Variants in CACNB2 observed in about 807,000 individuals in gnomAD.
CACNB2 encodes voltage-dependent L-type calcium channel subunit beta-2.
In CACNB2, 42 loss-of-function variants were observed where a neutral mutation model predicts 73.3. That is an observed-to-expected ratio of 0.57 (90% CI 0.45 to 0.74). The LOEUF (loss-of-function observed/expected upper bound fraction) is 0.74, where lower values mean the gene tolerates loss of function less well. Ranked by LOEUF, CACNB2 falls within the 30% of genes least tolerant of loss-of-function variation. CACNB2 has a pLI of 0.00. For synonymous variants in CACNB2, 348 were observed against 310.3 expected, an observed-to-expected ratio of 1.12 and a Z score of -1.28; for missense variants, 940 against 853.0, an observed-to-expected ratio of 1.10 and a Z score of -1.27.
At chr10:18,368,877 C>T (rs1031117541) in intron 2 of CACNB2, among the ~76,000 whole-genome samples, 1 of 151,870 alleles carries the variant, frequency 6.6e-6, no homozygotes, top group East Asian at 1.9e-4. Context: ...TAAACAGTTA[C>T]AGCATGAGTC....
At chr10:18,504,299 T>A (rs1403545893) in intron 5 of CACNB2, among the ~76,000 whole-genome samples, 1 of 152,212 alleles carries the variant, frequency 6.6e-6, no homozygotes, top group Non-Finnish European at 1.5e-5. Flanking sequence ...GATGGTAGCC[T>A]GACCTCCACG....
chr10:18,357,720 A>G (rs951583915), intron 2 of CACNB2, among the ~76,000 whole-genome samples: 5 of 152,338 alleles, frequency 3.3e-5, no homozygotes, highest in Middle Eastern at 3.4e-3. Flanking sequence ...CCAGCAGGAT[A>G]GTCAAAGATC....
intron 3 of CACNB2, among the ~76,000 whole-genome samples, chr10:18,446,853 C>G (rs1275813458): frequency 6.6e-6 from 1 of 151,854 alleles, no homozygotes; most frequent in Admixed American, 6.6e-5. Context: ...TCGCTGGAGC[C>G]CAGAAGTTTG....
intron 2 of CACNB2, among the ~76,000 whole-genome samples, chr10:18,237,985 ACT>A (rs1327410338): frequency 1.3e-5 from 2 of 151,780 alleles, no homozygotes; most frequent in African/African-American, 4.8e-5. Context: ...TCTGCTCCCC[ACT>A]CTCTCTCTGT....
intron 2 of CACNB2, among the ~76,000 whole-genome samples, chr10:18,383,358 G>A (rs1051748751): frequency 6.6e-6 from 1 of 152,042 alleles, no homozygotes; most frequent in African/African-American, 2.4e-5. Context: ...GAATATAGAG[G>A]GGCTAGCAGA....
chr10:18,356,629 T>C (rs2041918234), intron 2 of CACNB2, among the ~76,000 whole-genome samples: 1 of 151,556 alleles, frequency 6.6e-6, no homozygotes, highest in African/African-American at 2.4e-5. Context: ...CTCGTCTCTT[T>C]TTCTCCTTCA....
At chr10:18,498,046 T>G (rs1189836491) in intron 3 of CACNB2, among the ~76,000 whole-genome samples, 1 of 152,164 alleles carries the variant, frequency 6.6e-6, no homozygotes, top group Non-Finnish European at 1.5e-5. Context: ...TTTCCTGATT[T>G]ACAGTTGCTA....
Position 18,187,394 on chromosome 10 carries a change from T to A in CACNB2, c.213+36419T>A, listed in dbSNP as rs180845622. ...ACATTTTCAGAATGTGCACTATGCA[T>A]TAGATTTTGCTAAGATAAGCTAAAA... is the stretch of plus-strand genomic sequence containing the variant. On this transcript the variant is annotated intron_variant, in intron 2 of 13. Transcript: ENST00000324631. Among the ~76,000 whole-genome samples, 23 of 152,332 alleles carry A rather than the reference T, an allele frequency of 1.5e-4. No individual in the cohort carries two copies. The East Asian group carries it at 4.4e-3, about 29-fold the overall frequency.
At chr10:18,289,264 T>C (rs2038944131) in intron 2 of CACNB2, among the ~76,000 whole-genome samples, 1 of 150,466 alleles carries the variant, frequency 6.6e-6, no homozygotes, top group African/African-American at 2.5e-5. Flanking sequence ...CTTACGAAGT[T>C]GTCTTCATTT....
Position 18,143,964 on chromosome 10 carries a change from C to G in CACNB2, c.120+3108C>G, listed in dbSNP as rs115163885. Among the ~76,000 whole-genome samples, 614 of 152,298 alleles carry G rather than the reference C, an allele frequency of 4.0e-3. 3 individuals carry two copies. The highest frequency in any genetic ancestry group is 0.014 in the African/African-American group (590 of 41,564). On this transcript the variant is annotated intron_variant, in intron 1 of 13. Coordinates refer to ENST00000324631, the MANE Select transcript of CACNB2 (RefSeq NM_201596.3). ...TCCTTTTCTGTATCAATCATTCTGT[C>G]TAGAGAGAGGGAGCATCCTGATACA...
intron 3 of CACNB2, 43 bp from the exon 4 acceptor site, chr10:18,498,312 T>C (rs372284075): frequency 8.7e-6 from 14 of 1,612,554 alleles, no homozygotes; most frequent in Non-Finnish European, 1.1e-5. Flanking sequence ...GGGACAGTGT[T>C]GTTTTGCTCT....
At chr10:18,505,760 C>T (rs1215561682) in intron 5 of CACNB2, among the ~76,000 whole-genome samples, 1 of 152,192 alleles carries the variant, frequency 6.6e-6, no homozygotes, top group Non-Finnish European at 1.5e-5. Context: ...CTAATATTAA[C>T]TCCAATGTTT....
chr10:18,536,255 T>TTTTTC, intron 12 of CACNB2, 59 bp downstream of exon 12: 1 of 648,150 alleles, frequency 1.5e-6, no homozygotes, highest in African/African-American at 3.1e-5. Context: ...TTTTTTTTTT[T>TTTTTC]TTTTTTTTTT....
At chr10:18,345,636 T>C (rs1469350290) in intron 2 of CACNB2, among the ~76,000 whole-genome samples, 9 of 152,204 alleles carry the variant, frequency 5.9e-5, no homozygotes, top group Non-Finnish European at 1.0e-4. Context: ...GAATTAACTG[T>C]GGAATAGTTT....
intron 7 of CACNB2, among the ~76,000 whole-genome samples, chr10:18,516,393 C>G (rs1019660132): frequency 6.6e-6 from 1 of 152,166 alleles, no homozygotes; most frequent in Non-Finnish European, 1.5e-5. Flanking sequence ...TGACCCTTTG[C>G]TAGTTGGCAG....
intron 3 of CACNB2, among the ~76,000 whole-genome samples, chr10:18,497,442 C>T (rs1785725097): frequency 1.3e-5 from 2 of 151,804 alleles, no homozygotes; most frequent in African/African-American, 4.8e-5. Flanking sequence ...TTTTTTGAGA[C>T]AGGGACTGAC....
chr10:18,410,321 G>A (rs1176420752), intron 3 of CACNB2, among the ~76,000 whole-genome samples: 1 of 152,122 alleles, frequency 6.6e-6, no homozygotes, highest in African/African-American at 2.4e-5. Context: ...GGAAGCATTA[G>A]TTCAGTTGAC....
At chr10:18,167,343 A>T (rs983264224) in intron 2 of CACNB2, among the ~76,000 whole-genome samples, 2 of 152,142 alleles carry the variant, frequency 1.3e-5, no homozygotes, top group Admixed American at 6.6e-5. Context: ...CAAATTACTC[A>T]TTGGGTACTG....
At chr10:18,368,127 C>G (rs1346390159) in intron 2 of CACNB2, among the ~76,000 whole-genome samples, 1 of 152,158 alleles carries the variant, frequency 6.6e-6, no homozygotes, top group African/African-American at 2.4e-5. Context: ...TGAAATCGCA[C>G]AGCTCCTAAT....
Sources: allele counts gnomAD v4.1 joint callset (sites outside exome capture counted in the v4.1 genomes callset), GRCh38; gene constraint gnomAD v4.1.1; transcripts MANE v1.5; gene names NCBI Gene and HGNC (gene_info 2026-07-23, HGNC 2026-07-21).